FHIT: variants seen among roughly 807,000 people sequenced by gnomAD.
FHIT encodes the protein bis(5'-adenosyl)-triphosphatase.
Under a neutral mutation model 17.9 loss-of-function variants are expected in FHIT, and 19 were observed. The ratio of observed to expected loss-of-function variants is 1.06; its 90% CI spans 0.74 to 1.56. The LOEUF (loss-of-function observed/expected upper bound fraction) is 1.56, where lower values mean the gene tolerates loss of function less well. Among genes scored for constraint, FHIT ranks in the 40% most tolerant of loss-of-function variants. FHIT has a pLI of 0.00. For synonymous variants in FHIT, 81 were observed against 69.7 expected, an observed-to-expected ratio of 1.16 and a Z score of -0.81; for missense variants, 248 against 189.2, an observed-to-expected ratio of 1.31 and a Z score of -1.82.
At chr3:60,686,320 A>G (rs1175675511) in intron 4 of FHIT, among the ~76,000 whole-genome samples, 1 of 152,148 alleles carries the variant, frequency 6.6e-6, no homozygotes, top group Non-Finnish European at 1.5e-5. Context: ...TCTCTCACCA[A>G]TTTTGGGAAG....
intron 5 of FHIT, among the ~76,000 whole-genome samples, chr3:60,360,422 A>C (rs533856408): frequency 1.9e-4 from 29 of 152,166 alleles, no homozygotes; most frequent in Admixed American, 4.6e-4. Context: ...GAGTTCAGAT[A>C]CTAAATAGTG....
intron 5 of FHIT, among the ~76,000 whole-genome samples, chr3:60,497,848 C>T (rs1456315686): frequency 6.6e-6 from 1 of 152,208 alleles, no homozygotes; most frequent in Non-Finnish European, 1.5e-5. Flanking sequence ...TGATTTCTCC[C>T]AACCTCATGG....
chr3:61,195,997 G>C (rs149698509), intron 2 of FHIT, among the ~76,000 whole-genome samples: 2 of 152,018 alleles, frequency 1.3e-5, no homozygotes, highest in Non-Finnish European at 2.9e-5. Flanking sequence ...AAAAAATTAC[G>C]TAATCATGAT....
chr3:60,075,957 G>C (rs551997892), intron 5 of FHIT, among the ~76,000 whole-genome samples: 20 of 152,170 alleles, frequency 1.3e-4, no homozygotes, highest in Non-Finnish European at 2.6e-4. Context: ...AAGAAAAACA[G>C]CTACGTGTGA....
At chr3:61,121,021 A>C (rs1405571155) in intron 2 of FHIT, among the ~76,000 whole-genome samples, 1 of 151,852 alleles carries the variant, frequency 6.6e-6, no homozygotes, top group African/African-American at 2.4e-5. Flanking sequence ...TTAATGAAAT[A>C]AAGTGTGAAG....
intron 4 of FHIT, among the ~76,000 whole-genome samples, chr3:60,562,925 A>G (rs1287470529): frequency 6.6e-6 from 1 of 152,212 alleles, no homozygotes; most frequent in Non-Finnish European, 1.5e-5. Context: ...TCCTCTAAAT[A>G]AAGGGAAGAA....
chr3:60,038,635 G>C (rs1262971423), intron 5 of FHIT, among the ~76,000 whole-genome samples: 1 of 152,134 alleles, frequency 6.6e-6, no homozygotes, highest in African/African-American at 2.4e-5. Context: ...CTATTCCTAA[G>C]GGAGAAATTT....
chr3:60,059,255 G>A (rs960530241), intron 5 of FHIT, among the ~76,000 whole-genome samples: 4 of 152,158 alleles, frequency 2.6e-5, no homozygotes, highest in Admixed American at 6.5e-5. Flanking sequence ...ACAAGCATGC[G>A]CATTAAGAGA....
chr3:60,095,466 C>G (rs181341702), intron 5 of FHIT, among the ~76,000 whole-genome samples: 1 of 152,276 alleles, frequency 6.6e-6, no homozygotes, highest in Non-Finnish European at 1.5e-5. Flanking sequence ...CTAAATATAA[C>G]CCCTGCACTA....
intron 5 of FHIT, among the ~76,000 whole-genome samples, chr3:60,238,152 A>G (rs1041761140): frequency 3.0e-4 from 46 of 151,606 alleles, no homozygotes; most frequent in African/African-American, 1.1e-3. Flanking sequence ...TCAAAAAAAA[A>G]AAAAAAAAAG....
chr3:60,594,289 C>A (rs939495), intron 4 of FHIT, among the ~76,000 whole-genome samples: 1 of 151,998 alleles, frequency 6.6e-6, no homozygotes, highest in Non-Finnish European at 1.5e-5. Context: ...ACACATACAG[C>A]GAACACAACC....
At chr3:60,030,947 T>A (rs529724531) in intron 5 of FHIT, among the ~76,000 whole-genome samples, 1 of 152,316 alleles carries the variant, frequency 6.6e-6, no homozygotes, top group Admixed American at 6.5e-5. Flanking sequence ...CATAACATTC[T>A]CTGGGTTGTC....
At chr3:59,979,853 G>A (rs1259740884) in intron 7 of FHIT, among the ~76,000 whole-genome samples, 1 of 152,110 alleles carries the variant, frequency 6.6e-6, no homozygotes, top group Non-Finnish European at 1.5e-5. Context: ...CAACAGAAAT[G>A]AGAATTAAAT....
At chr3:60,392,783 A>G (rs1559878125) in intron 5 of FHIT, among the ~76,000 whole-genome samples, 1 of 152,208 alleles carries the variant, frequency 6.6e-6, no homozygotes, top group Non-Finnish European at 1.5e-5. Context: ...AGAGGTGGAA[A>G]TGGGTGGGGC....
At chr3:60,032,648 C>T (rs1701050982) in intron 5 of FHIT, among the ~76,000 whole-genome samples, 2 of 152,084 alleles carry the variant, frequency 1.3e-5, no homozygotes. Context: ...ATTCTAAGAG[C>T]AGGACATCCA....
At chr3:60,143,248 G>A (rs1157590564) in intron 5 of FHIT, among the ~76,000 whole-genome samples, 1 of 152,140 alleles carries the variant, frequency 6.6e-6, no homozygotes, top group Non-Finnish European at 1.5e-5. Flanking sequence ...ATCCACACCT[G>A]TATATGGCCT....
intron 4 of FHIT, among the ~76,000 whole-genome samples, chr3:60,683,647 G>T (rs797044389): frequency 2.7e-4 from 41 of 152,144 alleles, no homozygotes; most frequent in African/African-American, 9.6e-4. Flanking sequence ...TCACTTTATT[G>T]TGATGGTCTG....
intron 5 of FHIT, among the ~76,000 whole-genome samples, chr3:60,316,408 C>G (rs981474641): frequency 6.6e-6 from 1 of 152,066 alleles, no homozygotes; most frequent in African/African-American, 2.4e-5. Flanking sequence ...TAGTAATAAA[C>G]TTAGGATAGG....
chr3:60,941,496 C>T lies in FHIT; in HGVS notation c.-111+100551G>A, dbSNP rs183533781. On this transcript the variant is annotated intron_variant, in intron 3 of 9. Transcript: ENST00000492590. The stretch of plus-strand genomic sequence containing the variant: ...AATTTGCATTTATAAGGGATGGATA[C>T]GGAGGTCCCCTCTGCTCTCCCTTCT... 4.6e-5 allele frequency among the ~76,000 whole-genome samples: 7 copies of T among 152,302 alleles called. No individual in the cohort carries two copies. In the East Asian group the frequency reaches 7.7e-4, roughly 17 times the overall value.
Sources: allele counts gnomAD v4.1 joint callset (sites outside exome capture counted in the v4.1 genomes callset), GRCh38; gene constraint gnomAD v4.1.1; transcripts MANE v1.5; gene names NCBI Gene and HGNC (gene_info 2026-07-23, HGNC 2026-07-21).